The following RETREG1 variants were observed in gnomAD, a reference collection of about 807,000 sequenced individuals.
The protein encoded by RETREG1 is reticulophagy regulator 1, also known as family with sequence similarity 134 member B.
RETREG1 carries 44 observed loss-of-function variants against 54.8 expected under a neutral mutation model. The observed-to-expected ratio is 0.80, with a 90% CI of 0.63 to 1.03. The LOEUF is 1.03. RETREG1 is among the 50% of genes least tolerant of loss of function. RETREG1 has a pLI of 0.00. For synonymous variants in RETREG1, 217 were observed against 238.5 expected, an observed-to-expected ratio of 0.91 and a Z score of 0.83; for missense variants, 554 against 605.1, an observed-to-expected ratio of 0.92 and a Z score of 0.89.
intron 3 of RETREG1, among the ~76,000 whole-genome samples, chr5:16,490,367 A>G (rs1739195493): frequency 6.6e-6 from 1 of 152,242 alleles, no homozygotes; most frequent in Admixed American, 6.5e-5. Flanking sequence ...AAAAAGAGTT[A>G]TAAGATTACA....
In RETREG1 at chr5:16,565,829, G is replaced by A. The variant is rs190382248; in HGVS notation, c.428-36C>T. 5 of 1,608,074 alleles carry A rather than the reference G, an allele frequency of 3.1e-6. No homozygotes were observed. The African/African-American group carries it at 6.7e-5, about 21-fold the overall frequency. On this transcript the variant is annotated intron_variant, in intron 2 of 8. Coordinates refer to ENST00000306320, the MANE Select transcript of RETREG1 (RefSeq NM_001034850.3). ...GAGAAGCAAAATGTGAAACTTAACA[G>A]AGGTATTTTTCTCCTGAAATATTTC...
At chr5:16,580,801 C>T (rs2126321517) in intron 1 of RETREG1, among the ~76,000 whole-genome samples, 1 of 152,258 alleles carries the variant, frequency 6.6e-6, no homozygotes, top group South Asian at 2.1e-4. Context: ...CCTTAATTTT[C>T]AAAGCCCAGG....
At chr5:16,482,222 C>T (rs1343304040) in intron 4 of RETREG1, among the ~76,000 whole-genome samples, 1 of 151,832 alleles carries the variant, frequency 6.6e-6, no homozygotes, top group Admixed American at 6.6e-5. Flanking sequence ...GTCAAAGGAA[C>T]AAATAAGCCA....
At chr5:16,615,149 G>A (rs1262812591) in intron 1 of RETREG1, among the ~76,000 whole-genome samples, 1 of 152,138 alleles carries the variant, frequency 6.6e-6, no homozygotes, top group African/African-American at 2.4e-5. Context: ...TGTAATCCCA[G>A]CACTTTGGGA....
At chr5:16,486,677 A>G (rs1453170115) in intron 3 of RETREG1, among the ~76,000 whole-genome samples, 8 of 152,332 alleles carry the variant, frequency 5.3e-5, no homozygotes, top group South Asian at 2.1e-4. Context: ...AATACATTCA[A>G]TGATATTCTT....
intron 1 of RETREG1, among the ~76,000 whole-genome samples, chr5:16,584,058 G>C (rs1046962626): frequency 2.0e-4 from 30 of 152,208 alleles, no homozygotes; most frequent in Admixed American, 2.6e-4. Flanking sequence ...ACCAAACATT[G>C]TATGTTTTCA....
At chr5:16,517,195 T>G (rs1740387874) in intron 3 of RETREG1, among the ~76,000 whole-genome samples, 1 of 150,158 alleles carries the variant, frequency 6.7e-6, no homozygotes, top group South Asian at 2.1e-4. Context: ...CTAATAGGAG[T>G]CTTGGAGAAG....
intron 3 of RETREG1, among the ~76,000 whole-genome samples, chr5:16,544,529 C>A (rs1741338148): frequency 6.6e-6 from 1 of 152,092 alleles, no homozygotes; most frequent in South Asian, 2.1e-4. Flanking sequence ...GCTGTGTTTT[C>A]TTCTAGGAGT....
rs559804526 is a variant in RETREG1, at chr5:16,583,264, T to G, written c.321-11162A>C. On this transcript the variant is annotated intron_variant, in intron 1 of 8. Transcript: ENST00000306320. ...GGGAGGCTGAGGCAGGCGGATCACT[T>G]GAGCCCAGGAGTTCAATCAAGACCA... Among the ~76,000 whole-genome samples, 3 of 152,036 alleles carry G rather than the reference T, an allele frequency of 2.0e-5. No homozygotes were observed. In the South Asian group the frequency reaches 6.2e-4, roughly 32 times the overall value.
Position 16,593,188 on chromosome 5 carries a change from G to GCAGC in RETREG1, c.321-21090_321-21087dup, listed in dbSNP as rs1189398889. On this transcript the variant is annotated intron_variant, in intron 1 of 8. Coordinates refer to ENST00000306320, the MANE Select transcript of RETREG1 (RefSeq NM_001034850.3). This position sits in a 1 kb window ranked among gnomAD's most constrained non-coding sequence, Gnocchi z 4.9. ...AGGAAAACTCCACCCAGTCTCCTTA[G>GCAGC]CAGCCTGCTGTTAAATTAGGTCACC... 6.6e-6 allele frequency among the ~76,000 whole-genome samples: 1 copy of GCAGC among 152,202 alleles called. No individual in the cohort carries two copies. Among genetic ancestry groups the GCAGC allele is most frequent in the East Asian group, 1.9e-4 (1 of 5,198 alleles).
At chr5:16,607,866 TCTCA>T (rs1306733476) in intron 1 of RETREG1, among the ~76,000 whole-genome samples, 1 of 132,204 alleles carries the variant, frequency 7.6e-6, no homozygotes, top group Non-Finnish European at 1.6e-5. Context: ...TCCCCTCCAC[TCTCA>T]CTGTTTTTAT....
At chr5:16,575,365 C>G (rs1353503206) in intron 1 of RETREG1, among the ~76,000 whole-genome samples, 1 of 152,166 alleles carries the variant, frequency 6.6e-6, no homozygotes, top group Non-Finnish European at 1.5e-5. Flanking sequence ...GCTTTCTTTG[C>G]AGGGTCAGGC....
intron 3 of RETREG1, among the ~76,000 whole-genome samples, chr5:16,549,569 G>A (rs1354983112): frequency 6.6e-6 from 1 of 152,102 alleles, no homozygotes; most frequent in Non-Finnish European, 1.5e-5. Context: ...GTTCCATTTA[G>A]ACATTCTCTC....
chr5:16,519,589 C>G (rs955280886), intron 3 of RETREG1, among the ~76,000 whole-genome samples: 20 of 152,152 alleles, frequency 1.3e-4, no homozygotes, highest in Admixed American at 9.2e-4. Context: ...CCTCAAAGCT[C>G]CTTTCAGCCC....
At position 16,597,902 on chromosome 5, in the gene RETREG1, G is replaced by A. The variant is rs112295020; in HGVS notation, c.320+18750C>T. Among the ~76,000 whole-genome samples the A allele has an allele frequency of 7.7e-3, 1,172 of 152,020 alleles. 18 individuals carry two copies. The highest frequency in any genetic ancestry group is 0.027 in the African/African-American group (1,109 of 41,434). On this transcript the variant is annotated intron_variant, in intron 1 of 8. Transcript: ENST00000306320. The surrounding 1 kb of genome is among the most constrained non-coding windows in gnomAD (Gnocchi z 4.3). ...CTTTCCAGCCTCACCTCCTGTGACCGCTGGCACGACTTCCTTGCCCCAGGG... is the reference window on the plus strand; with the variant it reads ...CTTTCCAGCCTCACCTCCTGTGACCACTGGCACGACTTCCTTGCCCCAGGG...
chr5:16,518,777 T>C (rs1336321588), intron 3 of RETREG1, among the ~76,000 whole-genome samples: 3 of 152,268 alleles, frequency 2.0e-5, no homozygotes, highest in South Asian at 2.1e-4. Context: ...GTAAAAGACA[T>C]GTGTTGGCTG....
chr5:16,506,015 A>AG (rs780017844), intron 3 of RETREG1, among the ~76,000 whole-genome samples: 37 of 152,164 alleles, frequency 2.4e-4, no homozygotes, highest in African/African-American at 6.8e-4. Flanking sequence ...AACCACAAGG[A>AG]GGGGGGTCTC....
At chr5:16,489,405 C>T (rs1354724517) in intron 3 of RETREG1, among the ~76,000 whole-genome samples, 1 of 152,182 alleles carries the variant, frequency 6.6e-6, no homozygotes, top group African/African-American at 2.4e-5. Flanking sequence ...ATGCAGCACA[C>T]AGTATTCTCC....
intron 3 of RETREG1, among the ~76,000 whole-genome samples, chr5:16,505,822 C>T (rs1353483791): frequency 6.6e-6 from 1 of 152,236 alleles, no homozygotes; most frequent in Non-Finnish European, 1.5e-5. Context: ...CTATCCTAGT[C>T]GCTGCCCCCA....
Sources: allele counts gnomAD v4.1 joint callset (sites outside exome capture counted in the v4.1 genomes callset), GRCh38; gene constraint gnomAD v4.1.1; non-coding constraint Gnocchi (gnomAD v3.1); transcripts MANE v1.5; gene names NCBI Gene and HGNC (gene_info 2026-07-23, HGNC 2026-07-21).